ST6GALNAC3: variants seen among roughly 807,000 people sequenced by gnomAD.
ST6GALNAC3 encodes alpha-N-acetylgalactosaminide alpha-2,6-sialyltransferase 3.
In ST6GALNAC3, 25 loss-of-function variants were observed where a neutral mutation model predicts 32.7. The ratio of observed to expected loss-of-function variants is 0.76; its 90% CI spans 0.56 to 1.07. The LOEUF (loss-of-function observed/expected upper bound fraction) is 1.07. ST6GALNAC3 is among the 50% of genes least tolerant of loss of function. ST6GALNAC3 has a pLI of 0.00. For missense variants in ST6GALNAC3, 355 were observed against 382.4 expected (o/e 0.93, Z 0.60); for synonymous variants, 129 against 133.1 (o/e 0.97, Z 0.21).
chr1:76,405,157 C>T (rs527937002), intron 2 of ST6GALNAC3, among the ~76,000 whole-genome samples: 7 of 152,100 alleles, frequency 4.6e-5, no homozygotes, highest in Non-Finnish European at 8.8e-5. Context: ...TTTTGGGTGA[C>T]CTTTTCTAAT....
At position 76,633,608 on chromosome 1, in the gene ST6GALNAC3, G is replaced by A. The variant is rs571088032; in HGVS notation, c.*4802G>A. On this transcript the variant is annotated 3_prime_UTR_variant, in exon 5 of 5. Transcript: ENST00000328299. The stretch of plus-strand genomic sequence containing the variant: ...GCCCTGTTGTTGACATTTCCCCAGA[G>A]CTAAAATGTCCTCATACTCAAACCA... The A allele has an allele frequency of 6.6e-6, 1 of 152,290 alleles. No individual in the cohort carries two copies. Among genetic ancestry groups the A allele is most frequent in the Non-Finnish European group, 1.5e-5 (1 of 68,038 alleles). The allele number at this position is 152,290 out of a possible 1,614,324, so 9.4% of individuals were successfully genotyped here. A position where few individuals can be genotyped will look rare whatever the true frequency, so the allele number is the denominator to read the frequency against.
chr1:76,494,271 G>A (rs1660668433), intron 3 of ST6GALNAC3, among the ~76,000 whole-genome samples: 1 of 150,916 alleles, frequency 6.6e-6, no homozygotes, highest in South Asian at 2.1e-4. Context: ...CCTATTTTTA[G>A]GTAAAGTTGC....
chr1:76,294,616 G>C (rs945908516), intron 1 of ST6GALNAC3, among the ~76,000 whole-genome samples: 2 of 151,946 alleles, frequency 1.3e-5, no homozygotes, highest in African/African-American at 2.4e-5. Flanking sequence ...CATCTACAAT[G>C]CTTTCACTAT....
intron 1 of ST6GALNAC3, among the ~76,000 whole-genome samples, chr1:76,105,241 A>G (rs10493583): frequency 0.31 from 47,247 of 152,114 alleles, 8,575 homozygotes; most frequent in South Asian, 0.43. Flanking sequence ...TTCACAACCT[A>G]TAAGAAGAGA....
At chr1:76,292,707 G>A (rs561525973) in intron 1 of ST6GALNAC3, among the ~76,000 whole-genome samples, 1 of 152,104 alleles carries the variant, frequency 6.6e-6, no homozygotes, top group South Asian at 2.1e-4. Flanking sequence ...TCCATTTGGG[G>A]TGTTCACTTC....
At chr1:76,224,340 A>G (rs985572439) in intron 1 of ST6GALNAC3, among the ~76,000 whole-genome samples, 3 of 152,308 alleles carry the variant, frequency 2.0e-5, no homozygotes, top group African/African-American at 7.2e-5. Flanking sequence ...TTATCTATGC[A>G]TTCCCAGCCC....
At chr1:76,204,759 T>C (rs1654727167) in intron 1 of ST6GALNAC3, among the ~76,000 whole-genome samples, 1 of 152,212 alleles carries the variant, frequency 6.6e-6, no homozygotes, top group South Asian at 2.1e-4. Context: ...CATAATCTTC[T>C]CTTAGCCCTT....
intron 3 of ST6GALNAC3, among the ~76,000 whole-genome samples, chr1:76,578,222 A>G (rs1272329002): frequency 6.6e-6 from 1 of 152,010 alleles, no homozygotes; most frequent in Non-Finnish European, 1.5e-5. Context: ...TATTGGTAAA[A>G]CACTTACATC....
chr1:76,149,701 G>A (rs544892350), intron 1 of ST6GALNAC3, among the ~76,000 whole-genome samples: 4 of 151,026 alleles, frequency 2.6e-5, no homozygotes, highest in South Asian at 4.1e-4. Flanking sequence ...ATCACATTGT[G>A]TATTCATATT....
chr1:76,589,374 A>G (rs1187598232), intron 3 of ST6GALNAC3, among the ~76,000 whole-genome samples: 1 of 152,140 alleles, frequency 6.6e-6, no homozygotes, highest in Admixed American at 6.5e-5. Context: ...GCTTCCTGAC[A>G]TAAGTCTCAT....
intron 1 of ST6GALNAC3, among the ~76,000 whole-genome samples, chr1:76,081,193 T>A (rs929039948): frequency 1.3e-5 from 2 of 151,258 alleles, no homozygotes; most frequent in Admixed American, 1.3e-4. Flanking sequence ...AAAGCAGGGG[T>A]GTTCAAACTT....
Position 76,536,584 on chromosome 1 carries a change from G to C in ST6GALNAC3, c.624-90868G>C, listed in dbSNP as rs377626453. Among the ~76,000 whole-genome samples, 10 of 140,542 alleles carry C rather than the reference G, an allele frequency of 7.1e-5. 1 individual carries two copies. In the East Asian group the frequency reaches 2.3e-3, roughly 32 times the overall value. The allele number at this position is 140,542 out of a possible 152,430, so 92.2% of individuals were successfully genotyped here. On this transcript the variant is annotated intron_variant, in intron 3 of 4. Coordinates refer to ENST00000328299, the MANE Select transcript of ST6GALNAC3 (RefSeq NM_152996.4). Reference sequence around the variant, plus strand: ...CCCCAACATGTGGTGACCACAGTTCGTATTACAATTCAAGATGAGATTTGG... The same window carrying C: ...CCCCAACATGTGGTGACCACAGTTCCTATTACAATTCAAGATGAGATTTGG...
intron 2 of ST6GALNAC3, among the ~76,000 whole-genome samples, chr1:76,406,665 A>G (rs973368290): frequency 6.6e-6 from 1 of 152,088 alleles, no homozygotes; most frequent in African/African-American, 2.4e-5. Flanking sequence ...TTTAAATATA[A>G]TAGTGAGCAA....
intron 1 of ST6GALNAC3, among the ~76,000 whole-genome samples, chr1:76,301,950 C>T (rs1660751014): frequency 6.6e-6 from 1 of 151,636 alleles, no homozygotes; most frequent in Non-Finnish European, 1.5e-5. Context: ...GTCATGCTTT[C>T]CTTATGGACT....
chr1:76,252,184 A>G (rs1472975398), intron 1 of ST6GALNAC3, among the ~76,000 whole-genome samples: 1 of 152,036 alleles, frequency 6.6e-6, no homozygotes, highest in Non-Finnish European at 1.5e-5. Flanking sequence ...CCTGTATACG[A>G]TGTTCGTTTG....
chr1:76,411,806 G>T (rs530377968), intron 2 of ST6GALNAC3, among the ~76,000 whole-genome samples: 1 of 151,908 alleles, frequency 6.6e-6, no homozygotes, highest in Non-Finnish European at 1.5e-5. Flanking sequence ...ATTTTTTGAC[G>T]GTATACTTTT....
At chr1:76,426,176 A>G (rs1407867424) in intron 3 of ST6GALNAC3, among the ~76,000 whole-genome samples, 1 of 151,006 alleles carries the variant, frequency 6.6e-6, no homozygotes, top group East Asian at 1.9e-4. Flanking sequence ...TTCAAACTCT[A>G]TTTTCCTTTA....
At chr1:76,291,405 C>A (rs906482278) in intron 1 of ST6GALNAC3, among the ~76,000 whole-genome samples, 2 of 152,176 alleles carry the variant, frequency 1.3e-5, no homozygotes, top group Non-Finnish European at 2.9e-5. Flanking sequence ...GCATGAGGCC[C>A]GGCCAATTCA....
chr1:76,482,988 T>A (rs907596275), intron 3 of ST6GALNAC3, among the ~76,000 whole-genome samples: 1 of 151,502 alleles, frequency 6.6e-6, no homozygotes, highest in African/African-American at 2.4e-5. Flanking sequence ...TGGTTTTTTG[T>A]CCTTGCGACA....
Sources: gnomAD v4.1 joint callset for allele counts (sites outside exome capture counted in the v4.1 genomes callset) on GRCh38, gnomAD v4.1.1 for gene constraint, MANE v1.5 for transcripts, NCBI Gene and HGNC (gene_info 2026-07-23, HGNC 2026-07-21) for gene names.